The following TPP2 variants were observed in gnomAD, a reference collection of about 807,000 sequenced individuals.
The protein encoded by TPP2 is tripeptidyl-peptidase 2.
Under a neutral mutation model 155.9 loss-of-function variants are expected in TPP2, and 34 were observed. The observed-to-expected ratio is 0.22, with a 90% CI of 0.17 to 0.29. TPP2 has a LOEUF of 0.29. Ranked by LOEUF, TPP2 falls within the 10% of genes least tolerant of loss-of-function variation. The probability of loss-of-function intolerance (pLI) is 1.00; values close to 1 mark genes in which losing one functional copy is unlikely to be tolerated. For missense variants in TPP2, 1,028 were observed against 1,522.3 expected (o/e 0.68, Z 5.40); for synonymous variants, 510 against 529.4 (o/e 0.96, Z 0.50).
At chr13:102,656,912 G>C in intron 24 of TPP2, 144 bp from the exon 25 acceptor site, 1 of 707,410 alleles carries the variant, frequency 1.4e-6, no homozygotes, top group Non-Finnish European at 2.1e-6. Context: ...GGAATTTTTG[G>C]TGTATTGTGA....
Position 102,640,278 on chromosome 13 carries a change from A to G in TPP2, c.1922A>G (p.Glu641Gly). Reference protein sequence around the residue: ...ITAVIAAKVNESSHYDLAFTD... With the variant: ...ITAVIAAKVNGSSHYDLAFTD... ...CTTTTATTAATTTTCAGAGTAAATG[A>G]ATCATCACATTATGATCTAGCCTTT... Residue 641 changes from glutamate (E) to glycine (G), a missense_variant, in exon 16 of 30, where the codon GAA (glutamate) becomes GGA (glycine). By Grantham distance (98) the Glu-to-Gly change is moderately conservative. Coordinates refer to ENST00000376052, the MANE Select transcript of TPP2 (RefSeq NM_001330588.2). 6.3e-7 allele frequency: 1 copy of G among 1,597,310 alleles called. No homozygotes were observed. The highest frequency in any genetic ancestry group is 1.3e-5 in the African/African-American group (1 of 74,806).
intron 27 of TPP2, among the ~76,000 whole-genome samples, chr13:102,673,402 C>G (rs1257783859): frequency 4.6e-5 from 7 of 152,170 alleles, no homozygotes; most frequent in Non-Finnish European, 1.0e-4. Flanking sequence ...ACTTTTAGTC[C>G]TCATTGTTTT....
rs1207994572 is a variant in TPP2, at chr13:102,649,524, A to T, written c.2952+38A>T. The T allele has an allele frequency of 4.6e-6, 7 of 1,535,092 alleles. No individual in the cohort carries two copies. The East Asian group carries it at 9.1e-5, about 20-fold the overall frequency. ...TTTTTAAACACTGAAATTACCTATT[A>T]AAAAATTTCATTTCTTTAAAGATAA... On this transcript the variant is annotated intron_variant, in intron 23 of 29. Coordinates refer to ENST00000376052, the MANE Select transcript of TPP2 (RefSeq NM_001330588.2).
chr13:102,638,164 C>A, intron 14 of TPP2, 75 bp from the exon 15 acceptor site: 1 of 1,336,978 alleles, frequency 7.5e-7, no homozygotes, highest in Non-Finnish European at 1.1e-6. Flanking sequence ...TTTATTCTGT[C>A]AGTAGTTTAG....
Position 102,678,537 on chromosome 13 carries a change from T to G in TPP2, c.*221T>G. 2 of 439,924 alleles carry G rather than the reference T, an allele frequency of 4.5e-6. No homozygotes were observed. Among genetic ancestry groups the G allele is most frequent in the Non-Finnish European group, 8.1e-6 (2 of 247,050 alleles). 27.3% of individuals were successfully genotyped at this position (439,924 alleles called of 1,614,324 possible). A position where few individuals can be genotyped will look rare whatever the true frequency, so the allele number is the denominator to read the frequency against. On this transcript the variant is annotated 3_prime_UTR_variant, in exon 30 of 30. Coordinates refer to ENST00000376052, the MANE Select transcript of TPP2 (RefSeq NM_001330588.2). ...GTGTTTTCTTAATGCCTCACATTGC[T>G]GGCACGGGGATGTGCCCTGCCTGCC...
chr13:102,621,680 G>T (rs548836393), intron 5 of TPP2, among the ~76,000 whole-genome samples: 1 of 152,176 alleles, frequency 6.6e-6, no homozygotes, highest in Non-Finnish European at 1.5e-5. Context: ...TAGGGGCAGA[G>T]CAGGCCATCA....
In TPP2 at chr13:102,666,247, G is replaced by A. The variant is rs536587306; in HGVS notation, c.3371+1322G>A. Among the ~76,000 whole-genome samples, 380 of 152,346 alleles carry A rather than the reference G, an allele frequency of 2.5e-3. 2 individuals carry two copies. Among genetic ancestry groups the A allele is most frequent in the African/African-American group, 8.8e-3 (366 of 41,580 alleles). On this transcript the variant is annotated intron_variant, in intron 27 of 29. Transcript: ENST00000376052. ...GGTGCCACTGCTAGGAAGTTGGAAA[G>A]CACATAGTCAAATCAGGATCTGCCT... is the stretch of plus-strand genomic sequence containing the variant.
rs1885512673 is a variant in TPP2 at position 102,679,731 on chromosome 13, G to A, written c.*1415G>A. 6.6e-6 allele frequency: 1 copy of A among 152,204 alleles called. No individual in the cohort carries two copies. Among genetic ancestry groups the A allele is most frequent in the South Asian group, 2.1e-4 (1 of 4,826 alleles). 9.4% of individuals were successfully genotyped at this position (152,204 alleles called of 1,614,324 possible). A position where few individuals can be genotyped will look rare whatever the true frequency, so the allele number is the denominator to read the frequency against. On this transcript the variant is annotated 3_prime_UTR_variant, in exon 30 of 30. Transcript: ENST00000376052. Reference sequence around the variant, plus strand: ...TGCACACACATACAGGTCCCCATTTGTATAGGTTTAGTCCAGTAAGAGAAT... The same window carrying A: ...TGCACACACATACAGGTCCCCATTTATATAGGTTTAGTCCAGTAAGAGAAT...
At chr13:102,638,107 A>G in intron 14 of TPP2, 132 bp from the exon 15 acceptor site, 1 of 761,626 alleles carries the variant, frequency 1.3e-6, no homozygotes, top group East Asian at 2.7e-5. Flanking sequence ...TAGTGTCAGG[A>G]AATTGGTGTC....
rs192898786 is a variant in TPP2 at position 102,678,862 on chromosome 13, C to G, written c.*546C>G. ...TTAAGGGGAAAAAGTAGAACCAGCACAAATGAGTGGCAGTTGCTGGAGCAT... is the reference window on the plus strand; with the variant it reads ...TTAAGGGGAAAAAGTAGAACCAGCAGAAATGAGTGGCAGTTGCTGGAGCAT... On this transcript the variant is annotated 3_prime_UTR_variant, in exon 30 of 30. Transcript: ENST00000376052. The G allele has an allele frequency of 1.0e-4, 14 of 140,088 alleles. No homozygotes were observed. The highest frequency in any genetic ancestry group is 2.9e-4 in the African/African-American group (11 of 37,454). The allele number at this position is 140,088 out of a possible 1,614,324, so 8.7% of individuals were successfully genotyped here.
At chr13:102,645,978 C>T (rs1481173337) in intron 19 of TPP2, among the ~76,000 whole-genome samples, 3 of 112,606 alleles carry the variant, frequency 2.7e-5, no homozygotes, top group African/African-American at 1.2e-4. Flanking sequence ...TCTTGCAACA[C>T]TTTTAGTTGT....
chr13:102,648,305 T>C (rs1351937691), intron 21 of TPP2, among the ~76,000 whole-genome samples: 5 of 152,154 alleles, frequency 3.3e-5, no homozygotes, highest in African/African-American at 1.2e-4. Flanking sequence ...GCTTGAGCCC[T>C]GGAGCTCTAG....
At chr13:102,619,791 T>G (rs1881020848) in intron 5 of TPP2, among the ~76,000 whole-genome samples, 2 of 152,242 alleles carry the variant, frequency 1.3e-5, no homozygotes, top group African/African-American at 4.8e-5. Context: ...TTGTGTGTAT[T>G]CATACATGTT....
chr13:102,635,694 A>G lies in TPP2; in HGVS notation c.1501A>G (p.Ile501Val). 1 of 1,611,258 alleles carries G rather than the reference A, an allele frequency of 6.2e-7. No individual in the cohort carries two copies. Residue 501 changes from isoleucine to valine, a missense_variant, in exon 12 of 30, where the codon ATT becomes GTT. By Grantham distance (29) the Ile-to-Val change is conservative (BLOSUM62 3). Coordinates refer to ENST00000376052, the MANE Select transcript of TPP2 (RefSeq NM_001330588.2). ...AGAAGTATTTGCTCAAGGACATGGT[A>G]TTATTCAGGTATTGTTGCCTATATG... ...NIEVFAQGHG[I>V]IQVDKAYDYL...
At chr13:102,647,108 T>C in intron 20 of TPP2, 99 bp from the exon 21 acceptor site, 1 of 1,365,134 alleles carries the variant, frequency 7.3e-7, no homozygotes. Flanking sequence ...TTTTTAATGT[T>C]TTTTAAATGA....
chr13:102,651,672 T>C (rs375290181), intron 24 of TPP2, among the ~76,000 whole-genome samples: 24 of 152,092 alleles, frequency 1.6e-4, no homozygotes, highest in East Asian at 3.8e-4. Context: ...GCTACAGATA[T>C]GATAACAAGT....
chr13:102,666,442 G>T (rs1884601260), intron 27 of TPP2, among the ~76,000 whole-genome samples: 1 of 152,156 alleles, frequency 6.6e-6, no homozygotes, highest in Non-Finnish European at 1.5e-5. Flanking sequence ...GCAAGAGGAG[G>T]CTGGCCTTGG....
intron 21 of TPP2, 60 bp from the exon 22 acceptor site, chr13:102,648,847 A>C: frequency 6.6e-7 from 1 of 1,526,406 alleles, no homozygotes; most frequent in Admixed American, 2.2e-5. Flanking sequence ...ATCCTCTTTC[A>C]GTGATTTCCG....
At chr13:102,613,018 T>C (rs1214426724) in intron 2 of TPP2, among the ~76,000 whole-genome samples, 1 of 152,226 alleles carries the variant, frequency 6.6e-6, no homozygotes, top group African/African-American at 2.4e-5. Flanking sequence ...AGTGCTTTAT[T>C]GTTTTGCCGT....
Sources: gnomAD v4.1 joint callset for allele counts (sites outside exome capture counted in the v4.1 genomes callset) on GRCh38, gnomAD v4.1.1 for gene constraint, MANE v1.5 for transcripts, NCBI Gene and HGNC (gene_info 2026-07-23, HGNC 2026-07-21) for gene names.